Variants in LUZP2 observed in about 807,000 individuals in gnomAD.
LUZP2 encodes leucine zipper protein 2.
LUZP2 carries 52 observed loss-of-function variants against 51.6 expected under a neutral mutation model. That is an observed-to-expected ratio of 1.01 (90% CI 0.81 to 1.27). The LOEUF is 1.27. LUZP2 is among the 50% of genes most tolerant of loss of function. LUZP2 has a pLI of 0.00. For synonymous variants in LUZP2, 154 were observed against 137.3 expected (o/e 1.12, Z -0.85); for missense variants, 436 against 395.4 (o/e 1.10, Z -0.87).
chr11:24,902,270 GCCTTGTA>G (rs1470051581), intron 5 of LUZP2, among the ~76,000 whole-genome samples: 1 of 151,992 alleles, frequency 6.6e-6, no homozygotes, highest in Non-Finnish European at 1.5e-5. Flanking sequence ...CAGGTACTAA[GCCTTGTA>G]CCCAATAGTT....
chr11:24,734,843 T>C (rs770460920), intron 3 of LUZP2, among the ~76,000 whole-genome samples: 1 of 151,888 alleles, frequency 6.6e-6, no homozygotes, highest in Non-Finnish European at 1.5e-5. Context: ...GTGCTTGCCA[T>C]TGCCATTTGG....
intron 5 of LUZP2, among the ~76,000 whole-genome samples, chr11:24,882,999 A>T (rs557604522): frequency 6.6e-6 from 1 of 151,400 alleles, no homozygotes; most frequent in Non-Finnish European, 1.5e-5. Flanking sequence ...AGGAAAGAAA[A>T]GAAAAGAAAA....
intron 9 of LUZP2, among the ~76,000 whole-genome samples, chr11:25,042,929 A>G (rs532134192): frequency 6.6e-6 from 1 of 152,204 alleles, no homozygotes; most frequent in African/African-American, 2.4e-5. Flanking sequence ...ACCACGGTAT[A>G]GGGCCTTTGT....
chr11:24,831,788 G>T (rs981677085), intron 5 of LUZP2: 1 of 152,522 alleles, frequency 6.6e-6, no homozygotes, highest in African/African-American at 2.4e-5. Context: ...CTTTGGAAAG[G>T]CCAAAGTAAA....
At chr11:25,054,232 G>A (rs1478098017) in intron 10 of LUZP2, among the ~76,000 whole-genome samples, 3 of 152,108 alleles carry the variant, frequency 2.0e-5, no homozygotes, top group Non-Finnish European at 2.9e-5. Flanking sequence ...CTTTTTGCTT[G>A]TTGTGAAGGT....
intron 10 of LUZP2, among the ~76,000 whole-genome samples, chr11:25,055,200 G>A (rs1418233752): frequency 3.3e-5 from 5 of 151,252 alleles, no homozygotes; most frequent in Admixed American, 6.6e-5. Flanking sequence ...TAGTAGAGAC[G>A]GGCTTTCACC....
At chr11:24,837,265 G>C (rs1850888450) in intron 5 of LUZP2, among the ~76,000 whole-genome samples, 1 of 151,702 alleles carries the variant, frequency 6.6e-6, no homozygotes, top group Non-Finnish European at 1.5e-5. Context: ...TTAAATAAGA[G>C]ATTGATATCT....
intron 9 of LUZP2, among the ~76,000 whole-genome samples, chr11:25,016,781 G>A (rs1033766701): frequency 1.3e-5 from 2 of 151,946 alleles, no homozygotes; most frequent in Non-Finnish European, 2.9e-5. Flanking sequence ...TTTCCTGTGG[G>A]TAGATACACG....
At chr11:25,003,834 G>A (rs1856761302) in intron 9 of LUZP2, among the ~76,000 whole-genome samples, 1 of 152,100 alleles carries the variant, frequency 6.6e-6, no homozygotes, top group African/African-American at 2.4e-5. Flanking sequence ...AATAACTCCA[G>A]CTTTGGCTAA....
chr11:24,727,363 G>A (rs1452380368), intron 1 of LUZP2, among the ~76,000 whole-genome samples: 1 of 151,948 alleles, frequency 6.6e-6, no homozygotes, highest in Non-Finnish European at 1.5e-5. Flanking sequence ...CATGTCCTTA[G>A]AAGTTATTTA....
At chr11:24,824,307 G>A (rs576391662) in intron 5 of LUZP2, among the ~76,000 whole-genome samples, 46 of 126,028 alleles carry the variant, frequency 3.6e-4, no homozygotes, top group African/African-American at 1.3e-3. Context: ...TGGAAGTTGC[G>A]GTGAGCCAAG....
intron 4 of LUZP2, among the ~76,000 whole-genome samples, chr11:24,754,928 C>T (rs1440328130): frequency 6.6e-6 from 1 of 152,076 alleles, no homozygotes. Context: ...GGTGGATCGC[C>T]TGAGGTCAGG....
At position 25,030,715 on chromosome 11, in the gene LUZP2, C is replaced by T. The variant is rs567321579; in HGVS notation, c.766-19323C>T. On this transcript the variant is annotated intron_variant, in intron 9 of 11. Coordinates refer to ENST00000336930, the MANE Select transcript of LUZP2 (RefSeq NM_001009909.4). Reference sequence around the variant, plus strand: ...CCTAATTTAATACATAATTTGTTTTCCTCATTTTGAGATATGACTATGTAT... The same window carrying T: ...CCTAATTTAATACATAATTTGTTTTTCTCATTTTGAGATATGACTATGTAT... Among the ~76,000 whole-genome samples the T allele has an allele frequency of 6.0e-5, 9 of 150,006 alleles. No individual in the cohort carries two copies. In the East Asian group the frequency reaches 1.8e-3, roughly 30 times the overall value.
Position 24,544,312 on chromosome 11 carries a change from G to T in LUZP2, c.62+47007G>T, listed in dbSNP as rs1241417354. On this transcript the variant is annotated intron_variant, in intron 1 of 11. Coordinates refer to ENST00000336930, the MANE Select transcript of LUZP2 (RefSeq NM_001009909.4). ...TAAACCTTTTATGCTAAGTTCAGAG[G>T]TACATGTGCAGGTTTGTTATATAGG... 5.9e-5 allele frequency among the ~76,000 whole-genome samples: 9 copies of T among 151,948 alleles called. No individual in the cohort carries two copies. The South Asian group carries it at 1.0e-3, about 18-fold the overall frequency.
intron 1 of LUZP2, among the ~76,000 whole-genome samples, chr11:24,644,710 T>C (rs1332181460): frequency 1.3e-5 from 2 of 152,114 alleles, no homozygotes; most frequent in African/African-American, 2.4e-5. Flanking sequence ...AAGTTGCAGA[T>C]CACAGGAAAC....
In LUZP2 at chr11:24,983,126, G is replaced by A. The variant is rs377055250; in HGVS notation, c.598G>A (p.Glu200Lys). Reference sequence around the variant, plus strand: ...TATGTTAATGCCTCTTTTTTTGTAGGAGTCACAGATGAAAGCAATGAAAGA... The same window carrying A: ...TATGTTAATGCCTCTTTTTTTGTAGAAGTCACAGATGAAAGCAATGAAAGA... The part of the protein sequence containing the change: ...NELEKAALDR[E>K]SQMKAMKETV... The change falls in exon 9 of 12, where the codon GAG becomes AAG. Residue 200 changes from glutamate to lysine, a missense_variant and splice_region_variant. Transcript: ENST00000336930. The A allele has an allele frequency of 7.5e-6, 12 of 1,606,294 alleles. No individual in the cohort carries two copies. Among genetic ancestry groups the A allele is most frequent in the Non-Finnish European group, 1.0e-5 (12 of 1,176,856 alleles).
intron 3 of LUZP2, among the ~76,000 whole-genome samples, chr11:24,733,019 A>T (rs1290529398): frequency 1.3e-5 from 2 of 148,436 alleles, no homozygotes; most frequent in South Asian, 2.1e-4. Flanking sequence ...ACAACGCAAA[A>T]AACTGTTTCA....
At chr11:24,917,590 G>A (rs893085094) in intron 7 of LUZP2, among the ~76,000 whole-genome samples, 2 of 152,060 alleles carry the variant, frequency 1.3e-5, no homozygotes, top group African/African-American at 4.8e-5. Flanking sequence ...ATTAAATAGG[G>A]AATCTTTTCC....
intron 1 of LUZP2, among the ~76,000 whole-genome samples, chr11:24,669,711 CA>C (rs1352165062): frequency 6.6e-6 from 1 of 151,972 alleles, no homozygotes; most frequent in African/African-American, 2.4e-5. Context: ...ATAGGATGTT[CA>C]CGTGCGGTAT....
Sources: allele counts gnomAD v4.1 joint callset (sites outside exome capture counted in the v4.1 genomes callset), GRCh38; gene constraint gnomAD v4.1.1; transcripts MANE v1.5; gene names NCBI Gene and HGNC (gene_info 2026-07-23, HGNC 2026-07-21).